NOTCH1: variants seen among roughly 807,000 people sequenced by gnomAD.
The protein encoded by NOTCH1 is notch receptor 1, also known as neurogenic locus notch homolog protein 1.
In NOTCH1, 37 loss-of-function variants were observed where a neutral mutation model predicts 254.8. That is an observed-to-expected ratio of 0.15 (90% CI 0.11 to 0.19). The LOEUF (loss-of-function observed/expected upper bound fraction) is 0.19, where lower values mean the gene tolerates loss of function less well. Ranked by LOEUF, NOTCH1 falls within the 10% of genes least tolerant of loss-of-function variation. The pLI, the probability that NOTCH1 is intolerant of heterozygous loss-of-function variation, is 1.00. For missense variants in NOTCH1, 2,972 were observed against 3,708.6 expected, an observed-to-expected ratio of 0.80 and a Z score of 5.16; for synonymous variants, 1,731 against 1,618.1, an observed-to-expected ratio of 1.07 and a Z score of -1.68.
chr9:136,538,086 CA>C (rs1843681680), intron 2 of NOTCH1, among the ~76,000 whole-genome samples: 1 of 152,114 alleles, frequency 6.6e-6, no homozygotes, highest in Non-Finnish European at 1.5e-5. Flanking sequence ...TCTCAAAAAA[CA>C]AACAAAAAAA....
intron 27 of NOTCH1, 68 bp downstream of exon 27, chr9:136,503,114 T>C (rs1564189480): frequency 6.2e-7 from 1 of 1,604,544 alleles, no homozygotes; most frequent in Admixed American, 1.7e-5. Flanking sequence ...ACAGCCAGCG[T>C]GTCTGGGGCA....
chr9:136,537,621 C>A (rs575253304), intron 2 of NOTCH1, among the ~76,000 whole-genome samples: 1 of 152,184 alleles, frequency 6.6e-6, no homozygotes, highest in African/African-American at 2.4e-5. Context: ...CATAGCAAGA[C>A]CCCGCTTCTG....
intron 12 of NOTCH1, among the ~76,000 whole-genome samples, 190 bp downstream of exon 12, chr9:136,515,100 A>T (rs1843242723): frequency 2.0e-5 from 3 of 152,200 alleles, no homozygotes. Flanking sequence ...CGGAGACAAG[A>T]GGGGTCGGGG....
In NOTCH1 at chr9:136,500,780, T is replaced by C. The variant is rs2133326541; in HGVS notation, c.5706A>G (p.Glu1902=). 1 of 1,602,128 alleles carries C rather than the reference T, an allele frequency of 6.2e-7. No individual in the cohort carries two copies. Among genetic ancestry groups the C allele is most frequent in the Non-Finnish European group, 8.5e-7 (1 of 1,179,718 alleles). ...AGATGACGGCCGGCGCGTCCTCCTC[T>C]TCCTCGCTGTTGCCCGTCTCCAGGC... ...GGGLETGNSE[E]EEDAPAVISD... Residue 1902 remains glutamate (E), a synonymous_variant, in exon 31 of 34, where the codon GAA becomes GAG. Coordinates refer to ENST00000651671, the MANE Select transcript of NOTCH1 (RefSeq NM_017617.5).
chr9:136,545,439 G>A lies in NOTCH1; in HGVS notation c.61+287C>T, dbSNP rs906812684. On this transcript the variant is annotated intron_variant, in intron 1 of 33. Coordinates refer to ENST00000651671, the MANE Select transcript of NOTCH1 (RefSeq NM_017617.5). The surrounding 1 kb of genome is among the most constrained non-coding windows in gnomAD (Gnocchi z 6.8). ...GCAAGCCCCACGCGCGGCGGGTGAAGGGCGGGCCCGGAGTAGGGCCTCCGG... is the reference window on the plus strand; with the variant it reads ...GCAAGCCCCACGCGCGGCGGGTGAAAGGCGGGCCCGGAGTAGGGCCTCCGG... Among the ~76,000 whole-genome samples, 2 of 151,504 alleles carry A rather than the reference G, an allele frequency of 1.3e-5. No homozygotes were observed. The highest frequency in any genetic ancestry group is 6.6e-5 in the Admixed American group (1 of 15,258).
intron 2 of NOTCH1, 114 bp from the exon 3 acceptor site, chr9:136,524,093 G>A (rs767690022): frequency 1.2e-4 from 164 of 1,350,290 alleles, no homozygotes; most frequent in Non-Finnish European, 1.6e-4. Flanking sequence ...CCCCGGGCAC[G>A]GGCACAACGG....
intron 17 of NOTCH1, 105 bp downstream of exon 17, chr9:136,510,548 G>C: frequency 1.4e-6 from 2 of 1,443,004 alleles, no homozygotes; most frequent in Non-Finnish European, 1.9e-6. Context: ...GCCACACTCC[G>C]GCCTCCCTGG....
rs191927799 is a variant in NOTCH1, at chr9:136,527,772, G to A, written c.141-3793C>T. Among the ~76,000 whole-genome samples the A allele has an allele frequency of 2.7e-3, 417 of 152,306 alleles. 3 individuals carry two copies. Among genetic ancestry groups the A allele is most frequent in the African/African-American group, 9.4e-3 (392 of 41,578 alleles). On this transcript the variant is annotated intron_variant, in intron 2 of 33. Coordinates refer to ENST00000651671, the MANE Select transcript of NOTCH1 (RefSeq NM_017617.5). Reference sequence around the variant, plus strand: ...CCCCCACGCTCAGTGGCCTGGCGGCGCTGGGGTAACCTGTCCTATCTGGGC... The same window carrying A: ...CCCCCACGCTCAGTGGCCTGGCGGCACTGGGGTAACCTGTCCTATCTGGGC...
chr9:136,541,684 A>C (rs758737797), intron 2 of NOTCH1, among the ~76,000 whole-genome samples: 4 of 152,214 alleles, frequency 2.6e-5, no homozygotes, highest in Admixed American at 6.5e-5. Flanking sequence ...GGTGGGGCTC[A>C]AGCCCAGGGA....
intron 2 of NOTCH1, among the ~76,000 whole-genome samples, chr9:136,526,044 C>T (rs137993157): frequency 1.1e-3 from 169 of 152,378 alleles, no homozygotes; most frequent in South Asian, 7.0e-3. Flanking sequence ...CAGTGAGCGA[C>T]GGGCACAGCC....
intron 2 of NOTCH1, among the ~76,000 whole-genome samples, chr9:136,541,015 T>C (rs1163017199): frequency 1.3e-5 from 2 of 152,172 alleles, no homozygotes; most frequent in African/African-American, 2.4e-5. Flanking sequence ...TCAGTACCCC[T>C]TGCTCACACT....
intron 10 of NOTCH1, 22 bp from the exon 11 acceptor site, chr9:136,515,738 C>A (rs2133364547): frequency 6.5e-7 from 1 of 1,528,650 alleles, no homozygotes; most frequent in Non-Finnish European, 8.8e-7. Context: ...GAGGGGCGGG[C>A]ACAGGAAGAC....
Position 136,517,404 on chromosome 9 carries a change from G to A in NOTCH1, c.1442-19C>T, listed in dbSNP as rs1843293225. On this transcript the variant is annotated intron_variant, in intron 8 of 33. Coordinates refer to ENST00000651671, the MANE Select transcript of NOTCH1 (RefSeq NM_017617.5). Reference sequence around the variant, plus strand: ...TCGTAGCCTGTGGGGTGGGGCAACAGTGAGGGGGGCACGCGCGGCCCCAGT... The same window carrying A: ...TCGTAGCCTGTGGGGTGGGGCAACAATGAGGGGGGCACGCGCGGCCCCAGT... 2 of 1,525,394 alleles carry A rather than the reference G, an allele frequency of 1.3e-6. No individual in the cohort carries two copies. The highest frequency in any genetic ancestry group is 1.8e-6 in the Non-Finnish European group (2 of 1,113,876). The allele number at this position is 1,525,394 out of a possible 1,614,324, so 94.5% of individuals were successfully genotyped here. A position where few individuals can be genotyped will look rare whatever the true frequency, so the allele number is the denominator to read the frequency against.
chr9:136,511,396 G>A, intron 15 of NOTCH1, 125 bp from the exon 16 acceptor site: 1 of 1,273,872 alleles, frequency 7.9e-7, no homozygotes, highest in Non-Finnish European at 1.1e-6. Flanking sequence ...AGGCAAATGT[G>A]CACCGAGACC....
At chr9:136,505,933 C>A (rs751929661) in intron 24 of NOTCH1, 52 bp from the exon 25 acceptor site, 2 of 1,483,128 alleles carry the variant, frequency 1.3e-6, no homozygotes, top group Admixed American at 4.2e-5. Flanking sequence ...CCCCCGCCCC[C>A]CCGCCACCTC....
Position 136,513,894 on chromosome 9 carries a change from G to T in NOTCH1, c.2208-357C>A, listed in dbSNP as rs546466927. ...AGGCAGGGGAATCACTTGAACCTGA[G>T]GGGTGGAGGTTGCAGTGAGCTGAGA... On this transcript the variant is annotated intron_variant, in intron 13 of 33. Coordinates refer to ENST00000651671, the MANE Select transcript of NOTCH1 (RefSeq NM_017617.5). This position sits in a 1 kb window ranked among gnomAD's most constrained non-coding sequence, Gnocchi z 4.7. Among the ~76,000 whole-genome samples the T allele has an allele frequency of 2.0e-4, 30 of 152,348 alleles. No homozygotes were observed. Among genetic ancestry groups the T allele is most frequent in the Non-Finnish European group, 3.1e-4 (21 of 68,032 alleles).
At chr9:136,529,601 C>T (rs1402849875) in intron 2 of NOTCH1, among the ~76,000 whole-genome samples, 2 of 152,216 alleles carry the variant, frequency 1.3e-5, no homozygotes, top group Admixed American at 6.5e-5. Flanking sequence ...CCCCAAATCC[C>T]CCAGAACAAA....
chr9:136,503,055 C>A, intron 27 of NOTCH1, 127 bp downstream of exon 27: 1 of 1,384,844 alleles, frequency 7.2e-7, no homozygotes. Flanking sequence ...AAAAGCCCTA[C>A]CCCAACTCGG....
At chr9:136,499,343 G>A (rs1333352450) in intron 31 of NOTCH1, 84 bp from the exon 32 acceptor site, 7 of 1,549,930 alleles carry the variant, frequency 4.5e-6, no homozygotes, top group Non-Finnish European at 6.1e-6. Flanking sequence ...TGGACGGGAA[G>A]CCCCACTGTC....
Sources: gnomAD v4.1 joint callset for allele counts (sites outside exome capture counted in the v4.1 genomes callset) on GRCh38, gnomAD v4.1.1 for gene constraint, Gnocchi (gnomAD v3.1) non-coding constraint, MANE v1.5 for transcripts, NCBI Gene and HGNC (gene_info 2026-07-23, HGNC 2026-07-21) for gene names.